Variants in SNTG2 observed in about 807,000 individuals in gnomAD.
SNTG2 encodes syntrophin gamma 2, also known as gamma-2-syntrophin.
A neutral mutation model predicts 70.9 loss-of-function variants in SNTG2; 74 were observed. The ratio of observed to expected loss-of-function variants is 1.04; its 90% CI spans 0.86 to 1.27. SNTG2 has a LOEUF of 1.27. Ranked by LOEUF, SNTG2 falls within the 50% of genes most tolerant of loss-of-function variation. The pLI, the probability that SNTG2 is intolerant of heterozygous loss-of-function variation, is 0.00. For missense variants in SNTG2, 717 were observed against 690.7 expected (o/e 1.04, Z -0.43); for synonymous variants, 278 against 273.8 (o/e 1.02, Z -0.15).
chr2:1,265,965 A>T (rs1678707911), intron 13 of SNTG2, among the ~76,000 whole-genome samples: 1 of 152,100 alleles, frequency 6.6e-6, no homozygotes, highest in African/African-American at 2.4e-5. Flanking sequence ...CGTCCCAGGA[A>T]GGTGTCTGGT....
At chr2:1,195,725 A>AG (rs2147951912) in intron 8 of SNTG2, among the ~76,000 whole-genome samples, 1 of 152,284 alleles carries the variant, frequency 6.6e-6, no homozygotes, top group Admixed American at 6.5e-5. Context: ...TCTTTAGTTT[A>AG]ATCAGATCCC....
chr2:1,023,778 C>A lies in SNTG2; in HGVS notation c.73-59740C>A, dbSNP rs7566788. On this transcript the variant is annotated intron_variant, in intron 1 of 16. Transcript: ENST00000308624. The stretch of plus-strand genomic sequence containing the variant: ...GCTCAATGTCAAGTGGATCCAGAAC[C>A]TCGGCAGTCTGCAAGGAGAGTTGTG... 5.4e-3 allele frequency among the ~76,000 whole-genome samples: 829 copies of A among 152,282 alleles called. 9 individuals carry two copies. Among genetic ancestry groups the A allele is most frequent in the African/African-American group, 0.019 (792 of 41,556 alleles).
chr2:1,357,475 T>C (rs1660913942), intron 16 of SNTG2, among the ~76,000 whole-genome samples: 1 of 152,166 alleles, frequency 6.6e-6, no homozygotes, highest in Non-Finnish European at 1.5e-5. Context: ...TGCTATTGAA[T>C]TCAGTTGACT....
At chr2:1,158,827 G>A (rs916163841) in intron 6 of SNTG2, among the ~76,000 whole-genome samples, 1 of 152,224 alleles carries the variant, frequency 6.6e-6, no homozygotes, top group African/African-American at 2.4e-5. Context: ...GCAGTGTCGT[G>A]TGTGCAGGAA....
intron 4 of SNTG2, among the ~76,000 whole-genome samples, chr2:1,099,266 C>G (rs909213457): frequency 6.6e-6 from 1 of 152,054 alleles, no homozygotes. Flanking sequence ...GTCCTTGAGG[C>G]CTGCAGGGGA....
At chr2:1,349,482 G>A (rs981356363) in intron 16 of SNTG2, among the ~76,000 whole-genome samples, 1 of 152,204 alleles carries the variant, frequency 6.6e-6, no homozygotes, top group Non-Finnish European at 1.5e-5. Flanking sequence ...TTATACAAAG[G>A]CAGTTTTGGT....
intron 14 of SNTG2, among the ~76,000 whole-genome samples, chr2:1,271,912 A>G (rs1231707043): frequency 2.0e-5 from 3 of 152,026 alleles, no homozygotes; most frequent in Admixed American, 6.6e-5. Context: ...CTTCTCGTCA[A>G]GGAAACACCA....
intron 12 of SNTG2, among the ~76,000 whole-genome samples, chr2:1,252,165 C>T (rs1206894762): frequency 6.6e-6 from 1 of 152,120 alleles, no homozygotes; most frequent in Non-Finnish European, 1.5e-5. Flanking sequence ...GAGAAAGAAG[C>T]CACTCATTTC....
At chr2:983,785 C>A (rs774757258) in intron 1 of SNTG2, among the ~76,000 whole-genome samples, 1 of 152,200 alleles carries the variant, frequency 6.6e-6, no homozygotes, top group Non-Finnish European at 1.5e-5. Context: ...AAGATCAAGA[C>A]ATACTTCTCA....
At chr2:1,072,533 A>G (rs923889680) in intron 1 of SNTG2, among the ~76,000 whole-genome samples, 1 of 151,984 alleles carries the variant, frequency 6.6e-6, no homozygotes, top group African/African-American at 2.4e-5. Flanking sequence ...GAAAAAAAAG[A>G]TATCTTTCAA....
At chr2:1,198,673 CAAAT>C (rs926916479) in intron 8 of SNTG2, among the ~76,000 whole-genome samples, 1 of 151,714 alleles carries the variant, frequency 6.6e-6, no homozygotes, top group Non-Finnish European at 1.5e-5. Context: ...ATAGAAGATC[CAAAT>C]AAATAAAATT....
Position 951,068 on chromosome 2 carries a change from G to T in SNTG2, c.72G>T (p.Arg24=), listed in dbSNP as rs1388275101. ...AGGGCTGCCTGCTGGTACCTGCGCG[G>T]GTGAGTGCGGCCCCTCAGCGCCCCT... ...GRQGCLLVPA[R]TKTTIALLYD... is the part of the protein sequence containing the mutation. Residue 24 remains arginine, a splice_region_variant and synonymous_variant, in exon 1 of 17, where the codon CGG becomes CGT. Transcript: ENST00000308624. 7.9e-7 allele frequency: 1 copy of T among 1,262,136 alleles called. No individual in the cohort carries two copies. Among genetic ancestry groups the T allele is most frequent in the Non-Finnish European group, 9.9e-7 (1 of 1,007,002 alleles). 78.2% of individuals were successfully genotyped at this position (1,262,136 alleles called of 1,614,324 possible).
chr2:971,340 T>C (rs1202412758), intron 1 of SNTG2, among the ~76,000 whole-genome samples: 3 of 152,272 alleles, frequency 2.0e-5, no homozygotes, highest in African/African-American at 4.8e-5. Flanking sequence ...GAACTTGTTA[T>C]GTTACTGGTC....
At chr2:1,282,047 G>A (rs1300662889) in intron 14 of SNTG2, among the ~76,000 whole-genome samples, 2 of 152,194 alleles carry the variant, frequency 1.3e-5, no homozygotes, top group African/African-American at 2.4e-5. Flanking sequence ...TAGCCTGCCT[G>A]GAGCTGTCAG....
At chr2:1,277,728 C>T (rs1048738103) in intron 14 of SNTG2, among the ~76,000 whole-genome samples, 1 of 152,180 alleles carries the variant, frequency 6.6e-6, no homozygotes, top group Non-Finnish European at 1.5e-5. Context: ...CCACGTGATG[C>T]CAGGGAAGAG....
At chr2:970,274 A>AT (rs1361439485) in intron 1 of SNTG2, among the ~76,000 whole-genome samples, 2 of 151,950 alleles carry the variant, frequency 1.3e-5, no homozygotes, top group Non-Finnish European at 2.9e-5. Flanking sequence ...ATATTTGAGG[A>AT]TTTTTTTTAA....
At chr2:996,673 G>GTTTTTTTTTTTATTTTTTTTTTTTTT (rs1661691361) in intron 1 of SNTG2, among the ~76,000 whole-genome samples, 1 of 35,114 alleles carries the variant, frequency 2.8e-5, no homozygotes, top group Non-Finnish European at 4.9e-5. Flanking sequence ...GAGTTACCCA[G>GTTTTTTTTTTTATTTTTTTTTTTTTT]TTTTTTTTTT....
chr2:1,117,351 A>G lies in SNTG2; in HGVS notation c.325+18941A>G, dbSNP rs577774064. 3.0e-4 allele frequency among the ~76,000 whole-genome samples: 46 copies of G among 152,290 alleles called. 2 individuals are homozygous for G. Among genetic ancestry groups the G allele is most frequent in the African/African-American group, 1.1e-3 (44 of 41,540 alleles). ...CTGTAATTTTAAACAAGTTCCTAAT[A>G]TTAATACACTGCAAAATATCATTTA... On this transcript the variant is annotated intron_variant, in intron 4 of 16. Coordinates refer to ENST00000308624, the MANE Select transcript of SNTG2 (RefSeq NM_018968.4).
chr2:1,028,735 C>G (rs954605410), intron 1 of SNTG2, among the ~76,000 whole-genome samples: 2 of 105,042 alleles, frequency 1.9e-5, no homozygotes, highest in African/African-American at 6.8e-5. Context: ...TCCAGGCAAC[C>G]TCCTTTTTTT....
Sources: gnomAD v4.1 joint callset for allele counts (sites outside exome capture counted in the v4.1 genomes callset) on GRCh38, gnomAD v4.1.1 for gene constraint, MANE v1.5 for transcripts, NCBI Gene and HGNC (gene_info 2026-07-23, HGNC 2026-07-21) for gene names.